The following PEAK1 variants were observed in gnomAD, a reference collection of about 807,000 sequenced individuals.
The protein encoded by PEAK1 is pseudopodium enriched atypical kinase 1, also known as inactive tyrosine-protein kinase PEAK1.
PEAK1 carries 54 observed loss-of-function variants against 124.7 expected under a neutral mutation model. That is an observed-to-expected ratio of 0.43 (90% CI 0.35 to 0.54). The LOEUF is 0.54. Among genes scored for constraint, PEAK1 ranks in the 20% least tolerant of loss-of-function variants. The pLI is 0.01. For synonymous variants in PEAK1, 719 were observed against 760.0 expected, an observed-to-expected ratio of 0.95 and a Z score of 0.89; for missense variants, 2,046 against 2,134.5, an observed-to-expected ratio of 0.96 and a Z score of 0.82.
At chr15:77,301,911 A>C (rs1238492348) in intron 2 of PEAK1, among the ~76,000 whole-genome samples, 1 of 152,204 alleles carries the variant, frequency 6.6e-6, no homozygotes, top group Non-Finnish European at 1.5e-5. Flanking sequence ...AAAGATTCGT[A>C]GATATTTACT....
At chr15:77,310,598 G>A (rs987060837) in intron 2 of PEAK1, among the ~76,000 whole-genome samples, 7 of 152,188 alleles carry the variant, frequency 4.6e-5, no homozygotes, top group African/African-American at 1.7e-4. Flanking sequence ...TACAAGTGAA[G>A]GTTTCTAGAA....
chr15:77,178,331 C>T (rs2057012936), intron 7 of PEAK1: 1 of 156,926 alleles, frequency 6.4e-6, no homozygotes, highest in South Asian at 2.0e-4. Context: ...CAAATATTCC[C>T]TTAAAATAAG....
intron 1 of PEAK1, among the ~76,000 whole-genome samples, chr15:77,390,215 T>C (rs1370036607): frequency 1.3e-5 from 2 of 152,198 alleles, no homozygotes; most frequent in Non-Finnish European, 2.9e-5. Flanking sequence ...CAGAGCTATT[T>C]GAGTATCTGT....
Position 77,180,869 on chromosome 15 carries a change from C to T in PEAK1, c.1058G>A (p.Arg353His), listed in dbSNP as rs368327762. The change falls in exon 7 of 10, where the codon CGT becomes CAT. Residue 353 changes from arginine to histidine, a missense_variant. Coordinates refer to ENST00000682557, the MANE Select transcript of PEAK1 (RefSeq NM_001385026.1). ...SPDSSLTEESRSETASSLSQK... is the reference protein window; with the variant it reads ...SPDSSLTEESHSETASSLSQK... ...GGATAAACTACTGGCTGTCTCAGAA[C>T]GTGATTCTTCTGTTAAAGAAGAATC... 1.2e-5 allele frequency: 19 copies of T among 1,614,004 alleles called. No individual in the cohort carries two copies. Among genetic ancestry groups the T allele is most frequent in the Middle Eastern group, 1.7e-4 (1 of 6,060 alleles).
chr15:77,349,096 G>A, intron 2 of PEAK1: 2 of 754,200 alleles, frequency 2.7e-6, no homozygotes, highest in Non-Finnish European at 3.2e-6. Flanking sequence ...CTAGAGTGCA[G>A]TGGTGTGATC....
intron 2 of PEAK1, among the ~76,000 whole-genome samples, chr15:77,327,743 CT>C (rs1156313448): frequency 6.6e-6 from 1 of 151,520 alleles, no homozygotes; most frequent in African/African-American, 2.4e-5. Context: ...CTAGATTTTC[CT>C]TTTGATATAA....
intron 5 of PEAK1, among the ~76,000 whole-genome samples, chr15:77,262,617 T>TAGAGACCTACAA (rs143156798): frequency 0.65 from 97,684 of 149,702 alleles, 32,955 homozygotes; most frequent in Non-Finnish European, 0.75. Context: ...AGCAAGTCCT[T>TAGAGACCTACAA]AGAGACCTAC....
chr15:77,123,412 C>T (rs1184227878), intron 9 of PEAK1, among the ~76,000 whole-genome samples: 1 of 152,158 alleles, frequency 6.6e-6, no homozygotes, highest in Admixed American at 6.5e-5. Context: ...ATTTTTCCAT[C>T]AAGAAACAAC....
intron 1 of PEAK1, among the ~76,000 whole-genome samples, chr15:77,416,012 T>C (rs2072857278): frequency 6.6e-6 from 1 of 152,240 alleles, no homozygotes; most frequent in Admixed American, 6.5e-5. Context: ...ACAGTTGTCA[T>C]TCACTTTTCA....
rs1456800281 is a variant in PEAK1 at position 77,264,836 on chromosome 15, A to G, written c.-274-12310T>C. ...AAAAGAACAAAGCTGGAGGCATCAC[A>G]CTACCTGACTTCAAACTATACTACA... On this transcript the variant is annotated intron_variant, in intron 5 of 9. Transcript: ENST00000682557. Among the ~76,000 whole-genome samples, 1,099 of 151,712 alleles carry G rather than the reference A, an allele frequency of 7.2e-3. 15 individuals are homozygous for G. Among genetic ancestry groups the G allele is most frequent in the African/African-American group, 0.025 (1,037 of 41,358 alleles).
At chr15:77,354,087 T>C (rs1567298374) in intron 2 of PEAK1, among the ~76,000 whole-genome samples, 1 of 152,098 alleles carries the variant, frequency 6.6e-6, no homozygotes, top group Non-Finnish European at 1.5e-5. Flanking sequence ...AAACTCTCTC[T>C]CCCTTTCAAG....
intron 1 of PEAK1, among the ~76,000 whole-genome samples, chr15:77,407,921 A>C (rs1056504029): frequency 7.3e-5 from 11 of 150,322 alleles, no homozygotes; most frequent in African/African-American, 2.4e-4. Flanking sequence ...ATACACATAT[A>C]TACATATATA....
chr15:77,281,106 T>C (rs1206440469), intron 5 of PEAK1, among the ~76,000 whole-genome samples: 1 of 151,952 alleles, frequency 6.6e-6, no homozygotes, highest in South Asian at 2.1e-4. Flanking sequence ...AAGCAAAGGC[T>C]GCAATGAGCC....
At chr15:77,278,068 G>T (rs1387176012) in intron 5 of PEAK1, among the ~76,000 whole-genome samples, 2 of 152,144 alleles carry the variant, frequency 1.3e-5, no homozygotes, top group South Asian at 4.1e-4. Context: ...CATTCTGGTG[G>T]GGATGTTGAT....
In PEAK1 at chr15:77,175,005, G is replaced by T. The variant is rs964761460; in HGVS notation, c.3137+3785C>A. Reference sequence around the variant, plus strand: ...TGAGAAAAACAAGCAATGGGGAAAGGATTCCCTATTTAATAAATGGTGCTG... The same window carrying T: ...TGAGAAAAACAAGCAATGGGGAAAGTATTCCCTATTTAATAAATGGTGCTG... On this transcript the variant is annotated intron_variant, in intron 7 of 9. Coordinates refer to ENST00000682557, the MANE Select transcript of PEAK1 (RefSeq NM_001385026.1). 7.3e-5 allele frequency among the ~76,000 whole-genome samples: 11 copies of T among 151,180 alleles called. No individual in the cohort carries two copies. The East Asian group carries it at 7.7e-4, about 11-fold the overall frequency.
intron 7 of PEAK1, among the ~76,000 whole-genome samples, chr15:77,172,632 ATT>A (rs1051478921): frequency 7.9e-5 from 12 of 152,248 alleles, no homozygotes; most frequent in African/African-American, 2.6e-4. Flanking sequence ...TTTCACAAGT[ATT>A]TTTCTTTGAG....
intron 8 of PEAK1, among the ~76,000 whole-genome samples, chr15:77,148,142 T>C (rs796151536): frequency 3.3e-5 from 5 of 151,990 alleles, no homozygotes; most frequent in African/African-American, 9.7e-5. Context: ...AAAAGAAAAA[T>C]ATATGGGTTG....
chr15:77,141,428 A>G (rs1030870313), intron 8 of PEAK1, among the ~76,000 whole-genome samples: 1 of 152,216 alleles, frequency 6.6e-6, no homozygotes, highest in South Asian at 2.1e-4. Context: ...CATGGATCAG[A>G]GACTTTATAT....
In PEAK1 at chr15:77,290,322, A is replaced by C. The variant is rs940636965; in HGVS notation, c.-602-3818T>G. 3.2e-4 allele frequency among the ~76,000 whole-genome samples: 49 copies of C among 152,090 alleles called. 1 individual carries two copies. Among genetic ancestry groups the C allele is most frequent in the Non-Finnish European group, 5.9e-5 (4 of 68,002 alleles). The stretch of plus-strand genomic sequence containing the variant: ...GTATTTTTAGTAGAGATGGGGTTTC[A>C]TCATGTTGGCTGGTCTCAAACTCCT... On this transcript the variant is annotated intron_variant, in intron 2 of 9. Coordinates refer to ENST00000682557, the MANE Select transcript of PEAK1 (RefSeq NM_001385026.1).
Sources: allele counts gnomAD v4.1 joint callset (sites outside exome capture counted in the v4.1 genomes callset), GRCh38; gene constraint gnomAD v4.1.1; transcripts MANE v1.5; gene names NCBI Gene and HGNC (gene_info 2026-07-23, HGNC 2026-07-21).